The following PACRG variants were observed in gnomAD, a reference collection of about 807,000 sequenced individuals.
The protein encoded by PACRG is parkin coregulated gene protein.
PACRG carries 29 observed loss-of-function variants against 29.7 expected under a neutral mutation model. That is an observed-to-expected ratio of 0.98 (90% CI 0.73 to 1.33). The LOEUF (loss-of-function observed/expected upper bound fraction) is 1.33, where lower values mean the gene tolerates loss of function less well. Among genes scored for constraint, PACRG ranks in the 40% most tolerant of loss-of-function variants. The pLI, the probability that PACRG is intolerant of heterozygous loss-of-function variation, is 0.00. For synonymous variants in PACRG, 116 were observed against 118.7 expected (o/e 0.98, Z 0.15); for missense variants, 279 against 316.2 (o/e 0.88, Z 0.89).
chr6:163,245,871 A>G (rs1270159510), intron 4 of PACRG, among the ~76,000 whole-genome samples: 1 of 152,132 alleles, frequency 6.6e-6, no homozygotes, highest in African/African-American at 2.4e-5. Context: ...ATTTACCAAG[A>G]ACCGTAAAGT....
chr6:162,962,285 G>A (rs1264317637), intron 2 of PACRG, among the ~76,000 whole-genome samples: 1 of 144,958 alleles, frequency 6.9e-6, no homozygotes, highest in East Asian at 2.1e-4. Flanking sequence ...TCTTACTCAT[G>A]CTTGTACTCC....
chr6:163,238,892 T>G (rs1239085057), intron 4 of PACRG, among the ~76,000 whole-genome samples: 1 of 152,226 alleles, frequency 6.6e-6, no homozygotes, highest in Non-Finnish European at 1.5e-5. Flanking sequence ...AGTTAATCCA[T>G]CTCATGCTTC....
chr6:162,939,378 G>A (rs1053324906), intron 2 of PACRG, among the ~76,000 whole-genome samples: 1 of 152,074 alleles, frequency 6.6e-6, no homozygotes, highest in African/African-American at 2.4e-5. Context: ...AAAAGCAAAT[G>A]CAATAAAAAC....
intron 4 of PACRG, among the ~76,000 whole-genome samples, chr6:163,188,085 G>A (rs1780037316): frequency 6.6e-6 from 1 of 152,194 alleles, no homozygotes; most frequent in Non-Finnish European, 1.5e-5. Context: ...TTGGAGTTGT[G>A]TGGGTTTATA....
chr6:163,121,442 A>T (rs992572642), intron 4 of PACRG, among the ~76,000 whole-genome samples: 1 of 152,080 alleles, frequency 6.6e-6, no homozygotes, highest in Non-Finnish European at 1.5e-5. Context: ...TGATGCACAG[A>T]GTCATGGGCT....
intron 4 of PACRG, among the ~76,000 whole-genome samples, chr6:163,255,033 C>T (rs778009396): frequency 4.6e-5 from 7 of 152,200 alleles, no homozygotes; most frequent in South Asian, 2.1e-4. Context: ...TGAGAAACAA[C>T]GTGTTGCCCT....
At chr6:163,035,332 G>A (rs1176142851) in intron 2 of PACRG, among the ~76,000 whole-genome samples, 1 of 151,992 alleles carries the variant, frequency 6.6e-6, no homozygotes, top group African/African-American at 2.4e-5. Flanking sequence ...GGCCAACATG[G>A]TGGAACCCTG....
At chr6:162,958,882 TATAGAGAGAGAGAGAGAGAGAG>T (rs1487721010) in intron 2 of PACRG, among the ~76,000 whole-genome samples, 12 of 15,112 alleles carry the variant, frequency 7.9e-4, no homozygotes, top group East Asian at 2.1e-3. Flanking sequence ...TATATATATA[TATAGAGAGAGAGAGAGAGAGAG>T]AGAGAGAGAG....
intron 4 of PACRG, among the ~76,000 whole-genome samples, chr6:163,227,465 T>C (rs1781852344): frequency 6.6e-6 from 1 of 152,186 alleles, no homozygotes; most frequent in African/African-American, 2.4e-5. Context: ...ATATTCAAAC[T>C]ATAGCACTGC....
At chr6:162,817,758 A>G (rs1249753043) in intron 2 of PACRG, among the ~76,000 whole-genome samples, 1 of 152,228 alleles carries the variant, frequency 6.6e-6, no homozygotes, top group Non-Finnish European at 1.5e-5. Context: ...AAATGCCTGA[A>G]TCTGCTACCC....
intron 4 of PACRG, among the ~76,000 whole-genome samples, chr6:163,281,257 G>A (rs1164082879): frequency 1.3e-5 from 2 of 152,172 alleles, no homozygotes; most frequent in Non-Finnish European, 2.9e-5. Context: ...CTCAAGAAAC[G>A]GCAGCAAGGC....
At chr6:163,194,491 G>A (rs73016944) in intron 4 of PACRG, among the ~76,000 whole-genome samples, 2,773 of 152,150 alleles carry the variant, frequency 0.018, 83 homozygotes, top group Middle Eastern at 0.065. Context: ...CTCCAGGCTG[G>A]TGGTGTCTGG....
intron 3 of PACRG, among the ~76,000 whole-genome samples, chr6:163,068,880 G>C (rs1811791101): frequency 6.6e-6 from 1 of 151,572 alleles, no homozygotes; most frequent in African/African-American, 2.4e-5. Context: ...TCTTTGTTTG[G>C]GGTGGGGGGT....
intron 4 of PACRG, among the ~76,000 whole-genome samples, chr6:163,169,525 G>A (rs990546073): frequency 2.6e-5 from 4 of 152,198 alleles, no homozygotes; most frequent in Admixed American, 2.6e-4. Context: ...GACCAGGGAT[G>A]GGGGAATTGT....
At chr6:162,865,791 T>C (rs1792246144) in intron 2 of PACRG, among the ~76,000 whole-genome samples, 1 of 151,178 alleles carries the variant, frequency 6.6e-6, no homozygotes, top group African/African-American at 2.4e-5. Flanking sequence ...TTTACTAGAT[T>C]TTTTTTTTCT....
At chr6:163,094,104 G>T (rs2128306375) in intron 4 of PACRG, among the ~76,000 whole-genome samples, 1 of 152,250 alleles carries the variant, frequency 6.6e-6, no homozygotes, top group African/African-American at 2.4e-5. Flanking sequence ...CAATTCTCAT[G>T]CTCTTTTCAA....
At chr6:163,038,828 A>T (rs1349543875) in intron 2 of PACRG, among the ~76,000 whole-genome samples, 1 of 152,192 alleles carries the variant, frequency 6.6e-6, no homozygotes, top group Non-Finnish European at 1.5e-5. Flanking sequence ...CTGGGTGCAA[A>T]GGCATATCCT....
At position 162,777,001 on chromosome 6, in the gene PACRG, T is replaced by A. The variant is rs1467943398; in HGVS notation, c.157-37146T>A. 6.6e-6 allele frequency among the ~76,000 whole-genome samples: 1 copy of A among 152,132 alleles called. No individual in the cohort carries two copies. Among genetic ancestry groups the A allele is most frequent in the Non-Finnish European group, 1.5e-5 (1 of 68,016 alleles). ...CAGTGCACACTGCTCAGGTGCTGGGTGCACCTGAATCTCCGAAATCACCAC... is the reference window on the plus strand; with the variant it reads ...CAGTGCACACTGCTCAGGTGCTGGGAGCACCTGAATCTCCGAAATCACCAC... On this transcript the variant is annotated intron_variant, in intron 1 of 4. Transcript: ENST00000366888. This position sits in a 1 kb window ranked among gnomAD's most constrained non-coding sequence, Gnocchi z 4.0.
chr6:162,950,914 A>T (rs934947558), intron 2 of PACRG, among the ~76,000 whole-genome samples: 19 of 152,248 alleles, frequency 1.2e-4, no homozygotes, highest in Non-Finnish European at 1.8e-4. Flanking sequence ...GAAACAAGTG[A>T]ACAAAGATTG....
Sources: gnomAD v4.1 joint callset for allele counts (sites outside exome capture counted in the v4.1 genomes callset) on GRCh38, gnomAD v4.1.1 for gene constraint, Gnocchi (gnomAD v3.1) non-coding constraint, MANE v1.5 for transcripts, NCBI Gene and HGNC (gene_info 2026-07-23, HGNC 2026-07-21) for gene names.